Variants in COX16 observed in about 807,000 individuals in gnomAD.
COX16 encodes the protein cytochrome c oxidase assembly factor COX16.
In COX16, 12 loss-of-function variants were observed where a neutral mutation model predicts 15.4. The ratio of observed to expected loss-of-function variants is 0.78; its 90% CI spans 0.50 to 1.26. The LOEUF is 1.26. COX16 is among the 50% of genes most tolerant of loss of function. The probability of loss-of-function intolerance (pLI) is 0.00; values close to 1 mark genes in which losing one functional copy is unlikely to be tolerated. For synonymous variants in COX16, 46 were observed against 41.1 expected (o/e 1.12, Z -0.46); for missense variants, 124 against 127.6 (o/e 0.97, Z 0.14).
At chr14:70,333,740 T>C (rs1886361882) in intron 2 of COX16, among the ~76,000 whole-genome samples, 1 of 152,106 alleles carries the variant, frequency 6.6e-6, no homozygotes, top group Admixed American at 6.5e-5. Context: ...CAAGGTAAAA[T>C]GTCACCAATC....
At position 70,344,941 on chromosome 14, in the gene COX16, T is replaced by C. The variant is rs547638879; in HGVS notation, c.70-2212A>G. ...ATGCCATTTTAGGCCTCAGCCCACC[T>C]GCACCCACGCGCTCATCAAAACAGC... On this transcript the variant is annotated intron_variant, in intron 1 of 3. Coordinates refer to ENST00000389912, the MANE Select transcript of COX16 (RefSeq NM_016468.7). Among the ~76,000 whole-genome samples the C allele has an allele frequency of 2.6e-5, 4 of 151,302 alleles. No individual in the cohort carries two copies. In the East Asian group the frequency reaches 7.7e-4, roughly 29 times the overall value.
intron 2 of COX16, among the ~76,000 whole-genome samples, chr14:70,338,392 T>G (rs892026307): frequency 1.3e-5 from 2 of 152,176 alleles, no homozygotes; most frequent in African/African-American, 4.8e-5. Flanking sequence ...GATTAACACA[T>G]GTGAACCACC....
At chr14:70,357,419 G>T (rs139341675) in intron 1 of COX16, among the ~76,000 whole-genome samples, 28 of 152,262 alleles carry the variant, frequency 1.8e-4, no homozygotes, top group African/African-American at 6.5e-4. Context: ...CAAGTAAGAA[G>T]TGAAGGCTAT....
At chr14:70,340,424 T>G (rs1457974633) in intron 2 of COX16, among the ~76,000 whole-genome samples, 1 of 152,200 alleles carries the variant, frequency 6.6e-6, no homozygotes, top group Non-Finnish European at 1.5e-5. Context: ...ACTGGGTTAT[T>G]GGCACCACCA....
chr14:70,332,483 G>A (rs942754501), intron 2 of COX16, among the ~76,000 whole-genome samples: 1 of 152,220 alleles, frequency 6.6e-6, no homozygotes, highest in African/African-American at 2.4e-5. Flanking sequence ...CCAGGCCACA[G>A]CAGATCCCAG....
chr14:70,338,638 C>T (rs1886530875), intron 2 of COX16, among the ~76,000 whole-genome samples: 1 of 152,146 alleles, frequency 6.6e-6, no homozygotes. Context: ...AGAAAAATGT[C>T]ACTTTAGTCA....
chr14:70,353,546 C>A (rs1295579161), intron 1 of COX16, among the ~76,000 whole-genome samples: 1 of 151,680 alleles, frequency 6.6e-6, no homozygotes, highest in Non-Finnish European at 1.5e-5. Context: ...CAGAGTCTTG[C>A]ATTGTCACCC....
rs186044489 is a variant in COX16, at chr14:70,345,967, C to G, written c.70-3238G>C. On this transcript the variant is annotated intron_variant, in intron 1 of 3. Coordinates refer to ENST00000389912, the MANE Select transcript of COX16 (RefSeq NM_016468.7). Reference sequence around the variant, plus strand: ...CCATCTTCCCAGTCAGCTGTATCCACTTCTTTTCCTACACCATCCCCTCCT... The same window carrying G: ...CCATCTTCCCAGTCAGCTGTATCCAGTTCTTTTCCTACACCATCCCCTCCT... 1.8e-3 allele frequency among the ~76,000 whole-genome samples: 280 copies of G among 152,158 alleles called. No individual in the cohort carries two copies. In the Middle Eastern group the frequency reaches 0.02, roughly 11 times the overall value.
At chr14:70,350,040 G>C (rs1295691671) in intron 1 of COX16, among the ~76,000 whole-genome samples, 3 of 152,190 alleles carry the variant, frequency 2.0e-5, no homozygotes, top group Non-Finnish European at 4.4e-5. Context: ...CACGCCTGAA[G>C]TAGTTATTGA....
intron 1 of COX16, among the ~76,000 whole-genome samples, chr14:70,352,645 C>CTTTTTTTT (rs576495712): frequency 1.2e-5 from 1 of 84,482 alleles, no homozygotes; most frequent in Non-Finnish European, 2.4e-5. Context: ...CTTTTTTTTT[C>CTTTTTTTT]TTTTTTTTTT....
At chr14:70,342,994 A>G (rs1257496132) in intron 1 of COX16, among the ~76,000 whole-genome samples, 1 of 152,224 alleles carries the variant, frequency 6.6e-6, no homozygotes, top group Non-Finnish European at 1.5e-5. Context: ...CATCATAACA[A>G]GCATTGTATT....
Position 70,342,722 on chromosome 14 carries a change from A to C in COX16, c.77T>G (p.Ile26Ser). 6.2e-7 allele frequency: 1 copy of C among 1,612,812 alleles called. No homozygotes were observed. The highest frequency in any genetic ancestry group is 1.1e-5 in the South Asian group (1 of 90,548). ...LGYGVPMLLLIVGGSFGLREF... is the reference protein window; with the variant it reads ...LGYGVPMLLLSVGGSFGLREF... ...ACGAAGACCAAAAGAACCTCCAACA[A>C]TCAGCAACTAAAACAAAGAAAGGAA... The change falls in exon 2 of 4, where the codon ATT (isoleucine) becomes AGT (serine). Residue 26 changes from isoleucine to serine, a missense_variant. By Grantham distance (142) the Ile-to-Ser change is moderately radical. Transcript: ENST00000389912.
intron 2 of COX16, among the ~76,000 whole-genome samples, chr14:70,341,286 A>T (rs1177474677): frequency 6.6e-6 from 1 of 152,176 alleles, no homozygotes; most frequent in Non-Finnish European, 1.5e-5. Context: ...ACATTTTTTT[A>T]AATTTAAAAT....
chr14:70,350,344 C>T (rs561236914), intron 1 of COX16, among the ~76,000 whole-genome samples: 3 of 152,142 alleles, frequency 2.0e-5, no homozygotes, highest in Non-Finnish European at 4.4e-5. Flanking sequence ...ACTTTCGTCC[C>T]GTCCTCACTT....
chr14:70,345,327 G>A (rs1330821816), intron 1 of COX16, among the ~76,000 whole-genome samples: 1 of 152,224 alleles, frequency 6.6e-6, no homozygotes, highest in African/African-American at 2.4e-5. Flanking sequence ...CTGGTCTTAG[G>A]GGGATGCCTC....
At chr14:70,326,885 C>G (rs887312577) in intron 3 of COX16, among the ~76,000 whole-genome samples, 1 of 152,172 alleles carries the variant, frequency 6.6e-6, no homozygotes, top group African/African-American at 2.4e-5. Flanking sequence ...AGACCAAGAT[C>G]ATTTGTCTTA....
At chr14:70,359,424 C>A in intron 1 of COX16, 95 bp downstream of exon 1, 1 of 1,185,692 alleles carries the variant, frequency 8.4e-7, no homozygotes, top group Non-Finnish European at 1.3e-6. Flanking sequence ...AGTGCCAGCC[C>A]TTAACTTCAC....
chr14:70,342,400 A>G (rs188501508), intron 2 of COX16, among the ~76,000 whole-genome samples: 1 of 152,316 alleles, frequency 6.6e-6, no homozygotes, highest in Admixed American at 6.5e-5. Context: ...GAACCAGGAT[A>G]GGCCACTGCA....
chr14:70,335,266 C>T (rs1886415400), intron 2 of COX16, among the ~76,000 whole-genome samples: 1 of 152,084 alleles, frequency 6.6e-6, no homozygotes, highest in Non-Finnish European at 1.5e-5. Context: ...ATTTCAACAA[C>T]CTACTTTTGG....
Sources: allele counts gnomAD v4.1 joint callset (sites outside exome capture counted in the v4.1 genomes callset), GRCh38; gene constraint gnomAD v4.1.1; transcripts MANE v1.5; gene names NCBI Gene and HGNC (gene_info 2026-07-23, HGNC 2026-07-21).